Variants in CPLX2 observed in about 807,000 individuals in gnomAD.
CPLX2 encodes the protein complexin-2.
In CPLX2, 5 loss-of-function variants were observed where a neutral mutation model predicts 16.3. The observed-to-expected ratio is 0.31, with a 90% confidence interval of 0.16 to 0.64. The LOEUF is 0.64. Ranked by LOEUF, CPLX2 falls within the 30% of genes least tolerant of loss-of-function variation. CPLX2 has a pLI of 0.79. For missense variants in CPLX2, 144 were observed against 181.4 expected, an observed-to-expected ratio of 0.79 and a Z score of 1.18; for synonymous variants, 89 against 73.2, an observed-to-expected ratio of 1.22 and a Z score of -1.10.
At chr5:175,842,580 C>T (rs1758964346) in intron 2 of CPLX2, among the ~76,000 whole-genome samples, 1 of 152,248 alleles carries the variant, frequency 6.6e-6, no homozygotes, top group Admixed American at 6.5e-5. Context: ...ACCATCTCTG[C>T]AGAGTCCAGC....
chr5:175,856,232 C>A (rs946991999), intron 2 of CPLX2, among the ~76,000 whole-genome samples: 4 of 152,284 alleles, frequency 2.6e-5, no homozygotes, highest in African/African-American at 9.6e-5. Context: ...GGTTGTGTGG[C>A]TGAAATGAGG....
upstream of CPLX2, among the ~76,000 whole-genome samples, chr5:175,871,157 C>G (rs1048382117): frequency 1.3e-5 from 2 of 151,844 alleles, no homozygotes; most frequent in Non-Finnish European, 1.5e-5. Flanking sequence ...TTTAAAGAAC[C>G]CTTCCTCCAC....
intron 2 of CPLX2, among the ~76,000 whole-genome samples, chr5:175,826,721 C>G (rs1045024279): frequency 6.6e-6 from 1 of 152,142 alleles, no homozygotes; most frequent in African/African-American, 2.4e-5. Flanking sequence ...CCACCAATGC[C>G]TAGGCCAACC....
chr5:175,871,036 G>T (rs925258858), upstream of CPLX2, among the ~76,000 whole-genome samples: 8 of 152,162 alleles, frequency 5.3e-5, no homozygotes, highest in Non-Finnish European at 1.0e-4. Context: ...TGGAACGGGG[G>T]TCGCTGAGGC....
At chr5:175,837,592 C>T (rs1230415679) in intron 2 of CPLX2, 3 of 152,272 alleles carry the variant, frequency 2.0e-5, no homozygotes, top group African/African-American at 4.8e-5. Context: ...GCGTACTGTG[C>T]AAGACCTTTG....
intron 2 of CPLX2, among the ~76,000 whole-genome samples, chr5:175,858,129 A>G (rs987956267): frequency 2.6e-5 from 4 of 152,178 alleles, no homozygotes; most frequent in Non-Finnish European, 5.9e-5. Flanking sequence ...TACAAACCCA[A>G]TGCCCCTTCC....
chr5:175,851,688 A>G (rs6420087), intron 2 of CPLX2, among the ~76,000 whole-genome samples: 142,323 of 152,156 alleles, frequency 0.94, 66,613 homozygotes, highest in East Asian at 0.98. Flanking sequence ...AGACCAAGGT[A>G]GGCTTCTTTG....
rs1300116927 is a variant in CPLX2, at chr5:175,845,873, G to A, written c.-88-32779G>A. ...GGACTTTGAGGGAAACCCAGGATGGGTGGGCCTGGGTCCCAGGAAAGGGGA... is the reference window on the plus strand; with the variant it reads ...GGACTTTGAGGGAAACCCAGGATGGATGGGCCTGGGTCCCAGGAAAGGGGA... On this transcript the variant is annotated intron_variant, in intron 2 of 4. Transcript: ENST00000359546. This position sits in a 1 kb window ranked among gnomAD's most constrained non-coding sequence, Gnocchi z 4.0. 6.6e-6 allele frequency among the ~76,000 whole-genome samples: 1 copy of A among 152,134 alleles called. No homozygotes were observed. Among genetic ancestry groups the A allele is most frequent in the Non-Finnish European group, 1.5e-5 (1 of 68,012 alleles).
At chr5:175,817,299 C>T (rs572913937) in intron 2 of CPLX2, among the ~76,000 whole-genome samples, 12 of 152,336 alleles carry the variant, frequency 7.9e-5, no homozygotes, top group African/African-American at 2.9e-4. Context: ...TAGCAAGACC[C>T]TTCACCGCTC....
Position 175,880,140 on chromosome 5 carries a change from A to G in CPLX2, c.*95A>G. Reference sequence around the variant, plus strand: ...GGTTAAGTCTCAATTCTGAAGGGGAAAACCTCAGTTGGCCTCTGCCCCTCT... The same window carrying G: ...GGTTAAGTCTCAATTCTGAAGGGGAGAACCTCAGTTGGCCTCTGCCCCTCT... On this transcript the variant is annotated 3_prime_UTR_variant, in exon 4 of 4. Coordinates refer to ENST00000393745, the MANE Select transcript of CPLX2 (RefSeq NM_001008220.2). 7.1e-7 allele frequency: 1 copy of G among 1,399,216 alleles called. No individual in the cohort carries two copies. Among genetic ancestry groups the G allele is most frequent in the Non-Finnish European group, 9.9e-7 (1 of 1,008,048 alleles). The allele number at this position is 1,399,216 out of a possible 1,614,324, so 86.7% of individuals were successfully genotyped here.
chr5:175,800,305 G>T (rs890734), intron 1 of CPLX2, among the ~76,000 whole-genome samples: 123,447 of 151,992 alleles, frequency 0.81, 50,212 homozygotes, highest in East Asian at 0.86. Flanking sequence ...TCCCCAAGTC[G>T]TAGGTAGAAA....
chr5:175,871,849 G>A (rs1759629307), intron 1 of CPLX2, 144 bp downstream of exon 1: 1 of 152,402 alleles, frequency 6.6e-6, no homozygotes, highest in Admixed American at 6.5e-5. Context: ...CCTGGGCACC[G>A]GATGGGGACT....
At chr5:175,827,212 C>A (rs1200893731) in intron 2 of CPLX2, among the ~76,000 whole-genome samples, 2 of 152,166 alleles carry the variant, frequency 1.3e-5, no homozygotes, top group African/African-American at 4.8e-5. Context: ...TGGCCTAAAC[C>A]GTGGTCATGT....
At chr5:175,858,520 C>T (rs1759303361) in intron 2 of CPLX2, among the ~76,000 whole-genome samples, 1 of 152,222 alleles carries the variant, frequency 6.6e-6, no homozygotes, top group South Asian at 2.1e-4. Flanking sequence ...AAGGATGGCT[C>T]AGCCCCCGGG....
At chr5:175,827,841 A>G (rs1001803592) in intron 2 of CPLX2, among the ~76,000 whole-genome samples, 1 of 152,012 alleles carries the variant, frequency 6.6e-6, no homozygotes, top group African/African-American at 2.4e-5. Context: ...AAAAAAACCA[A>G]CTGCAACTAT....
At chr5:175,850,090 G>A (rs1045574405) in intron 2 of CPLX2, among the ~76,000 whole-genome samples, 40 of 152,220 alleles carry the variant, frequency 2.6e-4, no homozygotes, top group Non-Finnish European at 5.3e-4. Flanking sequence ...GGCGCAGGCC[G>A]AGTGAGGAAC....
At chr5:175,858,908 C>T (rs1581095394) in intron 2 of CPLX2, among the ~76,000 whole-genome samples, 2 of 152,188 alleles carry the variant, frequency 1.3e-5, no homozygotes, top group South Asian at 2.1e-4. Flanking sequence ...AGGGCAGAAC[C>T]GGAGAAAGAA....
At position 175,809,949 on chromosome 5, in the gene CPLX2, G is replaced by A. The variant is rs913653844; in HGVS notation, c.-89+881G>A. Among the ~76,000 whole-genome samples the A allele has an allele frequency of 1.3e-5, 2 of 152,180 alleles. No individual in the cohort carries two copies. Among genetic ancestry groups the A allele is most frequent in the African/African-American group, 4.8e-5 (2 of 41,434 alleles). ...AGATCGCTCGATCGCTATAGATATCGTTGCTCATCCAGATGGGAGCTATTT... is the reference window on the plus strand; with the variant it reads ...AGATCGCTCGATCGCTATAGATATCATTGCTCATCCAGATGGGAGCTATTT... On this transcript the variant is annotated intron_variant, in intron 2 of 4. Transcript: ENST00000359546. This position sits in a 1 kb window ranked among gnomAD's most constrained non-coding sequence, Gnocchi z 4.4.
At position 175,830,663 on chromosome 5, in the gene CPLX2, C is replaced by A. The variant is rs576503845; in HGVS notation, c.-89+21595C>A. 6.6e-6 allele frequency among the ~76,000 whole-genome samples: 1 copy of A among 152,348 alleles called. No homozygotes were observed. The highest frequency in any genetic ancestry group is 1.5e-5 in the Non-Finnish European group (1 of 68,036). On this transcript the variant is annotated intron_variant, in intron 2 of 4. Coordinates refer to the CPLX2 transcript ENST00000359546. The surrounding 1 kb of genome is among the most constrained non-coding windows in gnomAD (Gnocchi z 4.0). The stretch of plus-strand genomic sequence containing the variant: ...ATGAGCACAATCCAGTCTCTGGAGT[C>A]CTCACTCCCCAGAGCTTTCCTGGAA...
Sources: gnomAD v4.1 joint callset for allele counts (sites outside exome capture counted in the v4.1 genomes callset) on GRCh38, gnomAD v4.1.1 for gene constraint, Gnocchi (gnomAD v3.1) non-coding constraint, MANE v1.5 for transcripts, NCBI Gene and HGNC (gene_info 2026-07-23, HGNC 2026-07-21) for gene names.